Variants in HACE1 observed in about 807,000 individuals in gnomAD.
The protein encoded by HACE1 is HECT domain and ankyrin repeat containing E3 ubiquitin protein ligase 1, also known as E3 ubiquitin-protein ligase HACE1.
HACE1 carries 73 observed loss-of-function variants against 118.4 expected under a neutral mutation model. The observed-to-expected ratio is 0.62, with a 90% CI of 0.51 to 0.75. The LOEUF is 0.75. HACE1 is among the 30% of genes least tolerant of loss of function. The pLI is 0.00. For missense variants in HACE1, 749 were observed against 1,102.2 expected (o/e 0.68, Z 4.54); for synonymous variants, 368 against 374.8 (o/e 0.98, Z 0.21).
At chr6:104,787,293 G>A (rs970295241) in intron 11 of HACE1, 2 of 152,116 alleles carry the variant, frequency 1.3e-5, no homozygotes, top group Non-Finnish European at 1.5e-5. Flanking sequence ...CCTCTCACCC[G>A]TAATGAGGGC....
chr6:104,803,601 C>G (rs1770646915), intron 7 of HACE1, among the ~76,000 whole-genome samples: 1 of 152,124 alleles, frequency 6.6e-6, no homozygotes, highest in Non-Finnish European at 1.5e-5. Context: ...TAAAAAGAAC[C>G]AACGGCAAAA....
chr6:104,820,382 A>G (rs1772587537), intron 6 of HACE1, among the ~76,000 whole-genome samples: 1 of 152,184 alleles, frequency 6.6e-6, no homozygotes, highest in Non-Finnish European at 1.5e-5. Flanking sequence ...AGCGAAAAAA[A>G]CTATCATCAG....
rs752729914 is a variant in HACE1 at position 104,784,949 on chromosome 6, AG to A, written c.1409+35del. On this transcript the variant is annotated intron_variant, in intron 12 of 23. Transcript: ENST00000262903. ...GTATCACTGCTTTTCATCATCTATC[AG>A]AGAAAAAAAAAATAATAAGCCAAAA... 2.3e-6 allele frequency: 3 copies of A among 1,292,716 alleles called. No homozygotes were observed. In the Admixed American group the frequency reaches 5.2e-5, roughly 22 times the overall value. The allele number at this position is 1,292,716 out of a possible 1,614,324, so 80.1% of individuals were successfully genotyped here.
rs375832178 is a variant in HACE1, at chr6:104,785,079, C to T, written c.1315G>A (p.Ala439Thr). The T allele has an allele frequency of 2.4e-4, 380 of 1,613,668 alleles. 1 individual carries two copies. The highest frequency in any genetic ancestry group is 3.2e-4 in the Non-Finnish European group (372 of 1,179,830). The change falls in exon 12 of 24, where the codon GCA becomes ACA. Residue 439 changes from alanine to threonine, a missense_variant. Around this residue, in one of 5 missense-constraint regions of HACE1, gnomAD observed 267 missense variants for 312.2 expected, o/e 0.86. Transcript: ENST00000262903. ...DALAGRQEAS[A>T]DCQDVISMTA... ...ATAGAAATAACATCCTGACAATCTG[C>T]ACTGGCTTCCTGTCTCCCTGCAAGA...
At position 104,814,267 on chromosome 6, in the gene HACE1, G is replaced by A. The variant is rs1052028080; in HGVS notation, c.535-2874C>T. 7.3e-5 allele frequency among the ~76,000 whole-genome samples: 10 copies of A among 137,388 alleles called. 1 individual carries two copies. The highest frequency in any genetic ancestry group is 7.2e-4 in the Admixed American group (10 of 13,908). The allele number at this position is 137,388 out of a possible 152,430, so 90.1% of individuals were successfully genotyped here. ...ATTAAATCAAAAGACCTTCAACGAG[G>A]CATGTCAAAGTGAAATTTCATGATA... On this transcript the variant is annotated intron_variant, in intron 6 of 23. Coordinates refer to ENST00000262903, the MANE Select transcript of HACE1 (RefSeq NM_020771.4).
At chr6:104,818,589 T>A (rs1045632330) in intron 6 of HACE1, among the ~76,000 whole-genome samples, 1 of 151,620 alleles carries the variant, frequency 6.6e-6, no homozygotes, top group Non-Finnish European at 1.5e-5. Context: ...TAAAAAAAAA[T>A]GTCAGACCAA....
Position 104,771,943 on chromosome 6 carries a change from A to T in HACE1, c.1996T>A (p.Phe666Ile). 6.2e-7 allele frequency: 1 copy of T among 1,605,248 alleles called. No homozygotes were observed. The highest frequency in any genetic ancestry group is 8.5e-7 in the Non-Finnish European group (1 of 1,172,196). The part of the protein sequence containing the change: ...QLVNIYFTRS[F>I]YKHILGIPVN... ...GCCATACCAAGAATGTGCTTGTAGAAGGATCGTGTGAAGTAAATATTGACC... is the reference window on the plus strand; with the variant it reads ...GCCATACCAAGAATGTGCTTGTAGATGGATCGTGTGAAGTAAATATTGACC... The change falls in exon 18 of 24, where the codon TTC becomes ATC. Residue 666 changes from phenylalanine to isoleucine, a missense_variant. This residue lies in a region of HACE1 where 195 missense variants were observed against 322.1 expected (regional missense o/e 0.61). Coordinates refer to ENST00000262903, the MANE Select transcript of HACE1 (RefSeq NM_020771.4).
rs562108606 is a variant in HACE1, at chr6:104,800,061, C to T, written c.618-3036G>A. 3.3e-5 allele frequency among the ~76,000 whole-genome samples: 5 copies of T among 151,990 alleles called. No homozygotes were observed. The East Asian group carries it at 5.9e-4, about 18-fold the overall frequency. ...AACGACACACCAGGAGATTCCATCC[C>T]GTGCCTGGCTCAGCGGGTCCCATGC... On this transcript the variant is annotated intron_variant, in intron 7 of 23. Transcript: ENST00000262903.
intron 6 of HACE1, among the ~76,000 whole-genome samples, chr6:104,830,737 A>G (rs1192731069): frequency 1.3e-5 from 2 of 151,218 alleles, no homozygotes; most frequent in Non-Finnish European, 2.9e-5. Context: ...TATTATGGTC[A>G]GCAAGAAAAT....
intron 7 of HACE1, among the ~76,000 whole-genome samples, chr6:104,808,060 C>T (rs1261137601): frequency 2.0e-5 from 3 of 152,044 alleles, no homozygotes; most frequent in African/African-American, 7.2e-5. Flanking sequence ...GTGGCGCATG[C>T]CTGTAATGCC....
At chr6:104,739,695 T>C (rs1211465400) in intron 22 of HACE1, among the ~76,000 whole-genome samples, 1 of 151,622 alleles carries the variant, frequency 6.6e-6, no homozygotes, top group South Asian at 2.1e-4. Context: ...CAAAGAGACT[T>C]AGACTCCCAC....
chr6:104,784,006 T>C, intron 14 of HACE1, 80 bp downstream of exon 14: 1 of 777,398 alleles, frequency 1.3e-6, no homozygotes, highest in Non-Finnish European at 2.3e-6. Context: ...TGAAGTGTAA[T>C]AATTATTCCA....
At chr6:104,738,483 G>A (rs1171036663) in intron 22 of HACE1, among the ~76,000 whole-genome samples, 3 of 149,720 alleles carry the variant, frequency 2.0e-5, no homozygotes, top group Admixed American at 6.6e-5. Context: ...AGGAGCTGAT[G>A]GAGCTGAAAA....
intron 19 of HACE1, among the ~76,000 whole-genome samples, chr6:104,770,896 C>T (rs1362060877): frequency 6.6e-6 from 1 of 152,140 alleles, no homozygotes; most frequent in African/African-American, 2.4e-5. Context: ...CAAATATCTT[C>T]ATTTAAGCTT....
intron 12 of HACE1, 24 bp downstream of exon 12, chr6:104,784,961 A>T: frequency 6.6e-7 from 1 of 1,517,870 alleles, no homozygotes; most frequent in Non-Finnish European, 9.1e-7. Flanking sequence ...AGAAAAAAAA[A>T]ATAATAAGCC....
chr6:104,812,301 G>A (rs1470978867), intron 6 of HACE1, among the ~76,000 whole-genome samples: 1 of 152,056 alleles, frequency 6.6e-6, no homozygotes, highest in Non-Finnish European at 1.5e-5. Context: ...AAATGAGCTA[G>A]TCATGGCAGC....
chr6:104,765,830 CTTCTT>C (rs1049149068), intron 19 of HACE1, among the ~76,000 whole-genome samples: 2 of 152,198 alleles, frequency 1.3e-5, no homozygotes, highest in Non-Finnish European at 2.9e-5. Flanking sequence ...TTTTCATTAA[CTTCTT>C]TTCATCAGTT....
intron 19 of HACE1, among the ~76,000 whole-genome samples, chr6:104,754,988 A>G (rs144478320): frequency 1.2e-4 from 19 of 152,260 alleles, no homozygotes; most frequent in African/African-American, 4.1e-4. Flanking sequence ...AAGACCAAGA[A>G]TGGCAAGCTG....
At chr6:104,830,209 G>A (rs1048409439) in intron 6 of HACE1, among the ~76,000 whole-genome samples, 3 of 152,208 alleles carry the variant, frequency 2.0e-5, no homozygotes, top group East Asian at 1.9e-4. Flanking sequence ...GAGAGCTATC[G>A]GCTAGACTCA....
Sources: gnomAD v4.1 joint callset for allele counts (sites outside exome capture counted in the v4.1 genomes callset) on GRCh38, gnomAD v4.1.1 for gene constraint, gnomAD v4.1.1 regional missense constraint, MANE v1.5 for transcripts, NCBI Gene and HGNC (gene_info 2026-07-23, HGNC 2026-07-21) for gene names.